RELL1: variants seen among roughly 807,000 people sequenced by gnomAD.
The protein encoded by RELL1 is RELT like 1, also known as RELT-like protein 1.
A neutral mutation model predicts 23.0 loss-of-function variants in RELL1; 10 were observed. The observed-to-expected ratio is 0.43, with a 90% CI of 0.27 to 0.74. RELL1 has a LOEUF of 0.74. Among genes scored for constraint, RELL1 ranks in the 30% least tolerant of loss-of-function variants. RELL1 has a pLI of 0.19. For synonymous variants in RELL1, 146 were observed against 146.8 expected (o/e 0.99, Z 0.04); for missense variants, 315 against 364.4 (o/e 0.86, Z 1.10).
intron 1 of RELL1, among the ~76,000 whole-genome samples, chr4:37,651,737 C>T (rs191714215): frequency 6.6e-6 from 1 of 152,300 alleles, no homozygotes; most frequent in African/African-American, 2.4e-5. Flanking sequence ...AGCACTCACT[C>T]CCCATTCTGA....
downstream of RELL1, among the ~76,000 whole-genome samples, chr4:37,606,130 A>G (rs890262972): frequency 1.0e-4 from 15 of 146,600 alleles, no homozygotes; most frequent in African/African-American, 3.8e-4. This position sits in a 1 kb window ranked among gnomAD's most constrained non-coding sequence, Gnocchi z 4.1. Flanking sequence ...AAGGAGGAGG[A>G]GAAGGAAGGA....
intron 1 of RELL1, among the ~76,000 whole-genome samples, chr4:37,651,893 G>C (rs923873492): frequency 6.6e-6 from 1 of 152,124 alleles, no homozygotes; most frequent in Admixed American, 6.6e-5. Flanking sequence ...AGTGTGTCGT[G>C]TATCCTCATT....
At chr4:37,635,982 AAC>A (rs1720316107) in intron 4 of RELL1, among the ~76,000 whole-genome samples, 1 of 152,244 alleles carries the variant, frequency 6.6e-6, no homozygotes, top group African/African-American at 2.4e-5. Context: ...TGGTGTTGAT[AAC>A]AGTCATAATT....
At chr4:37,605,697 G>A (rs189319948), downstream of RELL1, among the ~76,000 whole-genome samples, 34 of 151,196 alleles carry the variant, frequency 2.2e-4, 1 homozygote, top group Admixed American at 2.1e-3. Context: ...AGTCGAGATT[G>A]TACCACTGCA....
At chr4:37,600,281 A>T (rs1399025128) in intron 6 of RELL1, among the ~76,000 whole-genome samples, 3 of 152,034 alleles carry the variant, frequency 2.0e-5, no homozygotes, top group Non-Finnish European at 2.9e-5. Context: ...AAAAAAAAAA[A>T]AAAAAAAAAA....
intron 6 of RELL1, among the ~76,000 whole-genome samples, chr4:37,628,511 T>C (rs1373443113): frequency 6.6e-6 from 1 of 152,236 alleles, no homozygotes; most frequent in Non-Finnish European, 1.5e-5. Flanking sequence ...GATACTATTC[T>C]ACTTTTGAGT....
chr4:37,671,595 T>TA (rs920073964), intron 1 of RELL1, among the ~76,000 whole-genome samples: 1 of 152,112 alleles, frequency 6.6e-6, no homozygotes, highest in South Asian at 2.1e-4. Context: ...CTATATGGTC[T>TA]AAAAAAAGTA....
intron 1 of RELL1, among the ~76,000 whole-genome samples, chr4:37,674,541 TA>T (rs1721952600): frequency 6.6e-6 from 1 of 152,200 alleles, no homozygotes; most frequent in Non-Finnish European, 1.5e-5. Context: ...ATTCAGGCCG[TA>T]CGAGCATATA....
intron 1 of RELL1, among the ~76,000 whole-genome samples, chr4:37,668,909 C>T (rs866271653): frequency 6.6e-6 from 1 of 151,330 alleles, no homozygotes; most frequent in Non-Finnish European, 1.5e-5. Context: ...CCGGCCGCCC[C>T]GTCTGAGAAG....
intron 6 of RELL1, among the ~76,000 whole-genome samples, chr4:37,618,859 G>T (rs1298810921): frequency 6.7e-6 from 1 of 149,534 alleles, no homozygotes; most frequent in Admixed American, 6.7e-5. Flanking sequence ...TGTTTGGTTG[G>T]TTGGTCGTTT....
chr4:37,637,329 C>T (rs754579652), intron 4 of RELL1, among the ~76,000 whole-genome samples: 1 of 152,242 alleles, frequency 6.6e-6, no homozygotes, highest in Non-Finnish European at 1.5e-5. Flanking sequence ...TGTTAAACAT[C>T]TAAGGTGTGC....
At chr4:37,663,993 A>C (rs950998724) in intron 1 of RELL1, among the ~76,000 whole-genome samples, 1 of 152,188 alleles carries the variant, frequency 6.6e-6, no homozygotes, top group African/African-American at 2.4e-5. Context: ...AAAAGACTGA[A>C]GTCAGCTGTA....
chr4:37,615,954 T>C (rs1052917102), intron 6 of RELL1, among the ~76,000 whole-genome samples: 1 of 152,080 alleles, frequency 6.6e-6, no homozygotes, highest in Non-Finnish European at 1.5e-5. Flanking sequence ...CAAATATCTA[T>C]GCCTTGTTAA....
intron 1 of RELL1, among the ~76,000 whole-genome samples, chr4:37,684,451 C>G (rs1722331975): frequency 6.6e-6 from 1 of 152,144 alleles, no homozygotes; most frequent in Non-Finnish European, 1.5e-5. Context: ...CAAACACACA[C>G]CCACTCTAGG....
At chr4:37,619,499 A>C (rs1309398404) in intron 6 of RELL1, among the ~76,000 whole-genome samples, 6 of 152,106 alleles carry the variant, frequency 3.9e-5, no homozygotes, top group Non-Finnish European at 8.8e-5. Flanking sequence ...CTTTTAACCA[A>C]GGTGACCACA....
chr4:37,683,845 G>A (rs1447399542), intron 1 of RELL1, among the ~76,000 whole-genome samples: 1 of 152,020 alleles, frequency 6.6e-6, no homozygotes, highest in African/African-American at 2.4e-5. Flanking sequence ...ACTTTGGGAG[G>A]CCAAGGTGGG....
chr4:37,647,166 G>T, intron 3 of RELL1, among the ~76,000 whole-genome samples: 1 of 152,214 alleles, frequency 6.6e-6, no homozygotes, highest in Non-Finnish European at 1.5e-5. Context: ...CCAGGGCTGG[G>T]TCTCTGCAAC....
At chr4:37,594,553 A>C (rs1426549163) in intron 6 of RELL1, among the ~76,000 whole-genome samples, 1 of 152,236 alleles carries the variant, frequency 6.6e-6, no homozygotes, top group Non-Finnish European at 1.5e-5. Flanking sequence ...AGTTAGATTT[A>C]ACTTTTTACT....
At chr4:37,663,011 T>C (rs1390380851) in intron 1 of RELL1, among the ~76,000 whole-genome samples, 1 of 152,124 alleles carries the variant, frequency 6.6e-6, no homozygotes, top group Non-Finnish European at 1.5e-5. Flanking sequence ...AGCCACCAAC[T>C]GTGCCTCTAA....
Sources: gnomAD v4.1 joint callset for allele counts (sites outside exome capture counted in the v4.1 genomes callset) on GRCh38, gnomAD v4.1.1 for gene constraint, Gnocchi (gnomAD v3.1) non-coding constraint, MANE v1.5 for transcripts, NCBI Gene and HGNC (gene_info 2026-07-23, HGNC 2026-07-21) for gene names.